The following NPR1 variants were observed in gnomAD, a reference collection of about 807,000 sequenced individuals.
The protein encoded by NPR1 is natriuretic peptide receptor 1.
Under a neutral mutation model 116.9 loss-of-function variants are expected in NPR1, and 57 were observed. The ratio of observed to expected loss-of-function variants is 0.49; its 90% CI spans 0.39 to 0.61. The LOEUF is 0.61. NPR1 is among the 20% of genes least tolerant of loss of function. The pLI is 0.00. For synonymous variants in NPR1, 555 were observed against 601.6 expected (o/e 0.92, Z 1.13); for missense variants, 1,096 against 1,409.8 (o/e 0.78, Z 3.56).
chr1:153,681,363 C>T, intron 3 of NPR1, 70 bp downstream of exon 3: 2 of 884,718 alleles, frequency 2.3e-6, no homozygotes, highest in Non-Finnish European at 3.8e-6. Context: ...TGCCAGCCTC[C>T]ATCCTTCCCT....
In NPR1 at chr1:153,693,603, C is replaced by A; in HGVS notation, c.*189C>A. ...AGAGGGGACTGGCATGGGGGGATCT[C>A]AGAGCTTACAGGCTGAGCCAAGCCC... On this transcript the variant is annotated 3_prime_UTR_variant, in exon 22 of 22. Transcript: ENST00000368680. The A allele has an allele frequency of 1.9e-6, 1 of 532,958 alleles. No individual in the cohort carries two copies. Among genetic ancestry groups the A allele is most frequent in the Non-Finnish European group, 3.3e-6 (1 of 307,536 alleles). The allele number at this position is 532,958 out of a possible 1,614,324, so 33.0% of individuals were successfully genotyped here.
chr1:153,683,851 G>A (rs372548467), intron 7 of NPR1, 27 bp downstream of exon 7: 1 of 1,601,594 alleles, frequency 6.2e-7, no homozygotes, highest in African/African-American at 1.3e-5. Context: ...GGGGTTGAGT[G>A]AGGCTGGGGG....
chr1:153,688,598 C>T (rs1166152912), intron 15 of NPR1: 1 of 414,632 alleles, frequency 2.4e-6, no homozygotes, highest in Middle Eastern at 6.7e-4. Flanking sequence ...CCTTCCCCAG[C>T]GTGCCCACCA....
At chr1:153,687,566 C>T (rs928032945) in intron 13 of NPR1, 68 bp from the exon 14 acceptor site, 7 of 1,524,280 alleles carry the variant, frequency 4.6e-6, no homozygotes, top group Non-Finnish European at 6.2e-6. Context: ...TCGGCCACAC[C>T]CTTGTTTCCC....
intron 20 of NPR1, among the ~76,000 whole-genome samples, chr1:153,692,814 G>C (rs1398052684): frequency 3.3e-5 from 5 of 152,076 alleles, no homozygotes; most frequent in African/African-American, 1.2e-4. Flanking sequence ...CACCCAGCCT[G>C]AATTTTTAAC....
Position 153,686,704 on chromosome 1 carries a change from C to G in NPR1, c.1817C>G (p.Pro606Arg). ...TRFVGACTDP[P>R]NICILTEYCP... The stretch of plus-strand genomic sequence containing the variant: ...TTTGTGGGAGCCTGCACCGACCCCC[C>G]CAATATCTGCATCCTCACAGAGTAC... The change falls in exon 11 of 22, where the codon CCC becomes CGC. Residue 606 changes from proline (P) to arginine (R), a missense_variant. Coordinates refer to ENST00000368680, the MANE Select transcript of NPR1 (RefSeq NM_000906.4). The G allele has an allele frequency of 1.9e-6, 3 of 1,613,948 alleles. No individual in the cohort carries two copies. Among genetic ancestry groups the G allele is most frequent in the East Asian group, 2.2e-5 (1 of 44,880 alleles).
In NPR1 at chr1:153,679,289, C is replaced by T; in HGVS notation, c.181C>T (p.Leu61=). Residue 61 remains leucine (L), a synonymous_variant, in exon 1 of 22, where the codon CTG becomes TTG. Transcript: ENST00000368680. The surrounding 1 kb of genome is among the most constrained non-coding windows in gnomAD (Gnocchi z 4.2). ...GGCGCGCGTGGGACCCGCCGTGGAG[C>T]TGGCCCTGGCCCAGGTGAAGGCGCG... The part of the protein sequence containing the change: ...SWARVGPAVE[L]ALAQVKARPD... The T allele has an allele frequency of 2.6e-6, 4 of 1,530,066 alleles. No homozygotes were observed. The highest frequency in any genetic ancestry group is 2.5e-5 in the East Asian group (1 of 39,846). 94.8% of individuals were successfully genotyped at this position (1,530,066 alleles called of 1,614,324 possible).
At chr1:153,691,588 A>G (rs1265590119) in intron 20 of NPR1, among the ~76,000 whole-genome samples, 1 of 152,080 alleles carries the variant, frequency 6.6e-6, no homozygotes, top group Non-Finnish European at 1.5e-5. Context: ...TCCAGTCCTC[A>G]AGGAGCACAT....
In NPR1 at chr1:153,686,667, C is replaced by T; in HGVS notation, c.1780C>T (p.His594Tyr). 6.2e-7 allele frequency: 1 copy of T among 1,613,926 alleles called. No homozygotes were observed. Among genetic ancestry groups the T allele is most frequent in the Non-Finnish European group, 8.5e-7 (1 of 1,179,898 alleles). The change falls in exon 11 of 22, where the codon CAC (histidine) becomes TAC (tyrosine). Residue 594 changes from histidine to tyrosine, a missense_variant. Transcript: ENST00000368680. ...LKHMRDVQNE[H>Y]LTRFVGACTD... is the part of the protein sequence containing the mutation. ...GCAGATGCGGGATGTGCAGAATGAA[C>T]ACCTGACCAGGTTTGTGGGAGCCTG...
chr1:153,689,746 G>T lies in NPR1; in HGVS notation c.2758-60G>T. The T allele has an allele frequency of 1.4e-6, 2 of 1,446,636 alleles. No homozygotes were observed. The highest frequency in any genetic ancestry group is 2.5e-5 in the East Asian group (1 of 40,396). 89.6% of individuals were successfully genotyped at this position (1,446,636 alleles called of 1,614,324 possible). ...TGACAGACGCTGCACCCGGTGTGAC[G>T]GTGTGGCCGGCCGCACAGTTGCAGC... is the stretch of plus-strand genomic sequence containing the variant. On this transcript the variant is annotated intron_variant, in intron 18 of 21. Transcript: ENST00000368680. This position sits in a 1 kb window ranked among gnomAD's most constrained non-coding sequence, Gnocchi z 5.1.
At chr1:153,684,006 G>A (rs1669858559) in intron 7 of NPR1, among the ~76,000 whole-genome samples, 182 bp downstream of exon 7, 1 of 152,142 alleles carries the variant, frequency 6.6e-6, no homozygotes, top group South Asian at 2.1e-4. Flanking sequence ...GGAATGGCAG[G>A]GCGAGGGGAG....
At chr1:153,681,875 G>T (rs767585226) in intron 4 of NPR1, 36 bp downstream of exon 4, 1 of 1,607,668 alleles carries the variant, frequency 6.2e-7, no homozygotes, top group Admixed American at 1.7e-5. Context: ...GGGCTGCCTT[G>T]GGGGATGAAT....
rs1669980021 is a variant in NPR1 at position 153,688,037 on chromosome 1, T to C, written c.2249-16T>C. On this transcript the variant is annotated splice_polypyrimidine_tract_variant and intron_variant, in intron 14 of 21. Transcript: ENST00000368680. ...GGCCAGCCCCACCCCTCAGCTCCTC[T>C]ACCCCCCCAATACAGAGATCATCGA... is the stretch of plus-strand genomic sequence containing the variant. 6.5e-7 allele frequency: 1 copy of C among 1,547,020 alleles called. No individual in the cohort carries two copies. Among genetic ancestry groups the C allele is most frequent in the Non-Finnish European group, 8.8e-7 (1 of 1,141,008 alleles).
chr1:153,683,822 C>T lies in NPR1; in HGVS notation c.1482C>T (p.Tyr494=), dbSNP rs1162010752. Residue 494 remains tyrosine (Y), a splice_region_variant and synonymous_variant, in exon 7 of 22, where the codon TAC becomes TAT. Transcript: ENST00000368680. ...TTCTGATTGTCTCCTTCTTCATATACAGGTGAGCTGTGATGTGGGGGGTTG... is the reference window on the plus strand; with the variant it reads ...TTCTGATTGTCTCCTTCTTCATATATAGGTGAGCTGTGATGTGGGGGGTTG... ...LGILIVSFFI[Y]RKMQLEKELA... 5 of 1,613,326 alleles carry T rather than the reference C, an allele frequency of 3.1e-6. No individual in the cohort carries two copies.
chr1:153,682,588 G>A lies in NPR1; in HGVS notation c.1262G>A (p.Arg421Lys). The A allele has an allele frequency of 1.2e-6, 2 of 1,612,780 alleles. No individual in the cohort carries two copies. Among genetic ancestry groups the A allele is most frequent in the Admixed American group, 1.7e-5 (1 of 59,996 alleles). ...WDMDPENGAF[R>K]VVLNYNGTSQ... The stretch of plus-strand genomic sequence containing the variant: ...ATGGATCCCGAGAATGGTGCCTTCA[G>A]GGTAAGTTTGTGCACCCAGAAGACA... Residue 421 changes from arginine (R) to lysine (K), a missense_variant and splice_region_variant, in exon 5 of 22, where the codon AGG becomes AAG. By Grantham distance (26) the Arg-to-Lys change is conservative. Transcript: ENST00000368680.
rs11264225 is a variant in NPR1 at position 153,680,973 on chromosome 1, C to T, written c.922-207C>T. On this transcript the variant is annotated intron_variant, in intron 2 of 21. Transcript: ENST00000368680. ...TTGAGGCGGGAGGAGGATAAAGTCC[C>T]ACAGCCTGGACAGGACTTGGAGAAG... The T allele has an allele frequency of 4.7e-4, 279 of 598,198 alleles. 1 individual carries two copies. In the African/African-American group the frequency reaches 4.8e-3, roughly 10 times the overall value. The allele number at this position is 598,198 out of a possible 1,614,324, so 37.1% of individuals were successfully genotyped here.
chr1:153,679,905 TTCTC>T lies in NPR1; in HGVS notation c.721+81_721+84del, dbSNP rs937390266. ...CTGACCTGCCGGAGGCATCGGGACTTTCTCTCTCATCTGGGGGCACTCTTCTTTC... is the reference window on the plus strand; with the variant it reads ...CTGACCTGCCGGAGGCATCGGGACTTTCTCATCTGGGGGCACTCTTCTTTC... On this transcript the variant is annotated intron_variant, in intron 1 of 21. Coordinates refer to ENST00000368680, the MANE Select transcript of NPR1 (RefSeq NM_000906.4). The surrounding 1 kb of genome is among the most constrained non-coding windows in gnomAD (Gnocchi z 4.2). The T allele has an allele frequency of 1.5e-5, 22 of 1,495,888 alleles. No individual in the cohort carries two copies. Among genetic ancestry groups the T allele is most frequent in the African/African-American group, 9.9e-5 (7 of 70,564 alleles). The allele number at this position is 1,495,888 out of a possible 1,614,324, so 92.7% of individuals were successfully genotyped here.
At chr1:153,686,945 G>T in intron 11 of NPR1, 71 bp from the exon 12 acceptor site, 1 of 1,515,672 alleles carries the variant, frequency 6.6e-7, no homozygotes, top group Non-Finnish European at 9.2e-7. Context: ...CACATCAGTA[G>T]GACCCTGCAC....
At chr1:153,680,453 C>G (rs1259010797) in intron 1 of NPR1, 48 bp from the exon 2 acceptor site, 1 of 1,583,618 alleles carries the variant, frequency 6.3e-7, no homozygotes. Context: ...ACTCCTGTCT[C>G]TCCCGCAGTA....
Sources: allele counts gnomAD v4.1 joint callset (sites outside exome capture counted in the v4.1 genomes callset), GRCh38; gene constraint gnomAD v4.1.1; non-coding constraint Gnocchi (gnomAD v3.1); transcripts MANE v1.5; gene names NCBI Gene and HGNC (gene_info 2026-07-23, HGNC 2026-07-21).